Variants in DAB1 observed in about 807,000 individuals in gnomAD.
The protein encoded by DAB1 is disabled homolog 1.
A neutral mutation model predicts 64.6 loss-of-function variants in DAB1; 15 were observed. That is an observed-to-expected ratio of 0.23 (90% CI 0.16 to 0.36). DAB1 has a LOEUF of 0.36. DAB1 is among the 10% of genes least tolerant of loss of function. The pLI is 1.00. For synonymous variants in DAB1, 235 were observed against 251.9 expected (o/e 0.93, Z 0.64); for missense variants, 596 against 706.7 (o/e 0.84, Z 1.78).
intron 1 of DAB1, among the ~76,000 whole-genome samples, chr1:57,348,267 C>G (rs1320072310): frequency 6.6e-6 from 1 of 152,110 alleles, no homozygotes; most frequent in Admixed American, 6.5e-5. Flanking sequence ...GGAGACAGAT[C>G]ACTGATAAAG....
intron 7 of DAB1, among the ~76,000 whole-genome samples, chr1:57,431,687 T>C (rs539883306): frequency 2.0e-5 from 3 of 152,310 alleles, no homozygotes; most frequent in Middle Eastern, 3.4e-3. Flanking sequence ...TTTAGCTAAA[T>C]GCACAGTAGA....
intron 1 of DAB1, among the ~76,000 whole-genome samples, chr1:57,319,702 C>T (rs1002936362): frequency 6.6e-6 from 1 of 152,104 alleles, no homozygotes; most frequent in African/African-American, 2.4e-5. Flanking sequence ...TCTTGGACTC[C>T]CTTCTGGCTA....
At position 57,065,803 on chromosome 1, in the gene DAB1, G is replaced by A. The variant is rs565628665; in HGVS notation, c.664-2860C>T. On this transcript the variant is annotated intron_variant, in intron 8 of 14. Coordinates refer to ENST00000371236, the MANE Select transcript of DAB1 (RefSeq NM_001365792.1). ...CAGTCGCTTTGCTCTCTGAACTTCA[G>A]TTGCCCCATCTGCCCATTGTGAGCA... is the stretch of plus-strand genomic sequence containing the variant. 7.9e-5 allele frequency among the ~76,000 whole-genome samples: 12 copies of A among 152,306 alleles called. 1 individual carries two copies. Among genetic ancestry groups the A allele is most frequent in the Admixed American group, 4.6e-4 (7 of 15,300 alleles).
At chr1:58,419,805 T>G (rs1644755520) in intron 3 of DAB1, among the ~76,000 whole-genome samples, 1 of 152,230 alleles carries the variant, frequency 6.6e-6, no homozygotes, top group Non-Finnish European at 1.5e-5. Context: ...CCACTGTGTA[T>G]GCACCACAGC....
chr1:57,534,058 AAAG>A (rs1644696716), intron 7 of DAB1, among the ~76,000 whole-genome samples: 1 of 152,048 alleles, frequency 6.6e-6, no homozygotes, highest in Non-Finnish European at 1.5e-5. Flanking sequence ...TTGAGATGGA[AAAG>A]AAGGTCTAAT....
chr1:57,404,579 T>C (rs1236260965), intron 1 of DAB1, among the ~76,000 whole-genome samples: 1 of 152,156 alleles, frequency 6.6e-6, no homozygotes, highest in Admixed American at 6.6e-5. Context: ...TAAATGACTT[T>C]TTTTCTCTTT....
At chr1:57,560,725 C>G (rs1158265537) in intron 7 of DAB1, among the ~76,000 whole-genome samples, 1 of 152,170 alleles carries the variant, frequency 6.6e-6, no homozygotes. Context: ...TACAGTAGAT[C>G]CAATGGTGCT....
At chr1:57,122,155 A>T (rs1656723397) in intron 4 of DAB1, among the ~76,000 whole-genome samples, 1 of 152,142 alleles carries the variant, frequency 6.6e-6, no homozygotes, top group African/African-American at 2.4e-5. Flanking sequence ...GAATTTGAAG[A>T]GAGGCAGCCA....
intron 2 of DAB1, among the ~76,000 whole-genome samples, chr1:57,187,833 AAGAG>A (rs138251089): frequency 5.5e-4 from 82 of 150,232 alleles, no homozygotes; most frequent in African/African-American, 1.4e-3. Context: ...GAGTCACTGA[AAGAG>A]AGAGAGAGAG....
chr1:57,808,201 AC>A (rs1195369215), intron 6 of DAB1, among the ~76,000 whole-genome samples: 12 of 147,554 alleles, frequency 8.1e-5, no homozygotes, highest in Non-Finnish European at 1.5e-4. Flanking sequence ...GCACATGCAC[AC>A]ACACACACAC....
chr1:58,028,142 G>A (rs555477390), intron 5 of DAB1, among the ~76,000 whole-genome samples: 1 of 150,348 alleles, frequency 6.7e-6, no homozygotes, highest in East Asian at 2.0e-4. Context: ...TATCCTACAA[G>A]ATAGGCACAG....
intron 7 of DAB1, among the ~76,000 whole-genome samples, chr1:57,452,377 A>G (rs2101157171): frequency 6.6e-6 from 1 of 152,254 alleles, no homozygotes; most frequent in East Asian, 1.9e-4. Context: ...TTAGGATGAG[A>G]AATAAAATGG....
chr1:58,401,919 T>C (rs1644572894), intron 3 of DAB1, among the ~76,000 whole-genome samples: 2 of 152,234 alleles, frequency 1.3e-5, no homozygotes, highest in South Asian at 2.1e-4. Context: ...TGTGGACATA[T>C]AAGGTGCTCC....
chr1:57,231,844 C>G (rs1213373049), intron 2 of DAB1, among the ~76,000 whole-genome samples: 1 of 152,122 alleles, frequency 6.6e-6, no homozygotes, highest in African/African-American at 2.4e-5. Context: ...GGATAAAGAC[C>G]CTCAAGCATG....
chr1:57,129,713 T>G (rs771334671), intron 4 of DAB1, among the ~76,000 whole-genome samples: 1 of 152,082 alleles, frequency 6.6e-6, no homozygotes, highest in Non-Finnish European at 1.5e-5. Context: ...CGCAAATGTG[T>G]GGGTTAGTTC....
At chr1:57,169,427 T>C (rs1661517274) in intron 2 of DAB1, among the ~76,000 whole-genome samples, 1 of 152,206 alleles carries the variant, frequency 6.6e-6, no homozygotes, top group Non-Finnish European at 1.5e-5. Context: ...AAACCAAGGC[T>C]TGAAGAGGTA....
At chr1:57,738,572 A>C (rs1018937990) in intron 6 of DAB1, among the ~76,000 whole-genome samples, 2 of 152,044 alleles carry the variant, frequency 1.3e-5, no homozygotes, top group Admixed American at 6.6e-5. Context: ...TAAGTCTATC[A>C]GTCCAAACAG....
intron 4 of DAB1, among the ~76,000 whole-genome samples, chr1:58,183,297 G>A (rs515683): frequency 0.46 from 70,202 of 151,740 alleles, 18,585 homozygotes; most frequent in Middle Eastern, 0.65. Context: ...CATCTCCTCC[G>A]TAAGTTTATG....
At chr1:58,492,340 T>C (rs532019116) in intron 3 of DAB1, among the ~76,000 whole-genome samples, 129 of 151,876 alleles carry the variant, frequency 8.5e-4, no homozygotes, top group African/African-American at 3.1e-3. Context: ...CACCCTAACA[T>C]CACAATTAAA....
Sources: allele counts gnomAD v4.1 joint callset (sites outside exome capture counted in the v4.1 genomes callset), GRCh38; gene constraint gnomAD v4.1.1; transcripts MANE v1.5; gene names NCBI Gene and HGNC (gene_info 2026-07-23, HGNC 2026-07-21).